The following DAZAP1 variants were observed in gnomAD, a reference collection of about 807,000 sequenced individuals.
The protein encoded by DAZAP1 is DAZ-associated protein 1.
In DAZAP1, 6 loss-of-function variants were observed where a neutral mutation model predicts 60.1. That is an observed-to-expected ratio of 0.10 (90% CI 0.05 to 0.20). The LOEUF (loss-of-function observed/expected upper bound fraction) is 0.20. Ranked by LOEUF, DAZAP1 falls within the 10% of genes least tolerant of loss-of-function variation. The probability of loss-of-function intolerance (pLI) is 1.00; values close to 1 mark genes in which losing one functional copy is unlikely to be tolerated. For missense variants in DAZAP1, 366 were observed against 560.4 expected (o/e 0.65, Z 3.50); for synonymous variants, 235 against 215.9 (o/e 1.09, Z -0.78).
chr19:1,429,877 A>C (rs926908822), intron 8 of DAZAP1, 90 bp from the exon 9 acceptor site: 2 of 1,519,108 alleles, frequency 1.3e-6, no homozygotes, highest in Non-Finnish European at 1.8e-6. Context: ...GGTTGGTCCC[A>C]GCCCTTGACG....
At chr19:1,424,163 A>T (rs1600225066) in intron 6 of DAZAP1, among the ~76,000 whole-genome samples, 1 of 151,562 alleles carries the variant, frequency 6.6e-6, no homozygotes, top group African/African-American at 2.4e-5. Flanking sequence ...TCTCGGGCAC[A>T]CAGTGTCTGT....
At chr19:1,427,616 G>C (rs773705794) in intron 7 of DAZAP1, 1 of 152,236 alleles carries the variant, frequency 6.6e-6, no homozygotes, top group Non-Finnish European at 1.5e-5. Context: ...TACAAGGACC[G>C]CTCTGCTTTG....
chr19:1,428,815 C>A lies in DAZAP1; in HGVS notation c.547-27C>A, dbSNP rs1407113266. 1 of 1,611,680 alleles carries A rather than the reference C, an allele frequency of 6.2e-7. No homozygotes were observed. The highest frequency in any genetic ancestry group is 8.5e-7 in the Non-Finnish European group (1 of 1,179,358). ...GGGGGTGCTGGGACCCGCAGCCTCG[C>A]CCTAAACCAGAGCTCGGTTTGTTTA... On this transcript the variant is annotated intron_variant, in intron 7 of 11. Coordinates refer to ENST00000233078, the MANE Select transcript of DAZAP1 (RefSeq NM_018959.4). The surrounding 1 kb of genome is among the most constrained non-coding windows in gnomAD (Gnocchi z 4.0).
At position 1,432,417 on chromosome 19, in the gene DAZAP1, G is replaced by A. The variant is rs557334667; in HGVS notation, c.872-97G>A. ...TTCTGTGGGTTTGGGTGGCAGTCCC[G>A]TCTGGGCAGCTCCTGCTGGGCTGGG... On this transcript the variant is annotated intron_variant, in intron 10 of 11. Coordinates refer to ENST00000233078, the MANE Select transcript of DAZAP1 (RefSeq NM_018959.4). The surrounding 1 kb of genome is among the most constrained non-coding windows in gnomAD (Gnocchi z 4.9). 60 of 1,348,254 alleles carry A rather than the reference G, an allele frequency of 4.5e-5. No individual in the cohort carries two copies. The highest frequency in any genetic ancestry group is 4.4e-4 in the South Asian group (37 of 84,286). The allele number at this position is 1,348,254 out of a possible 1,614,324, so 83.5% of individuals were successfully genotyped here.
In DAZAP1 at chr19:1,434,532, C is replaced by T; in HGVS notation, c.1049-205C>T. 1.8e-6 allele frequency: 1 copy of T among 556,730 alleles called. No homozygotes were observed. Among genetic ancestry groups the T allele is most frequent in the Non-Finnish European group, 3.2e-6 (1 of 314,050 alleles). 34.5% of individuals were successfully genotyped at this position (556,730 alleles called of 1,614,324 possible). A position where few individuals can be genotyped will look rare whatever the true frequency, so the allele number is the denominator to read the frequency against. The stretch of plus-strand genomic sequence containing the variant: ...TGGAAGCCGCTTTTCTCTGTGTGTG[C>T]CCCTGCTCACATGTTTTTGAGGGAG... On this transcript the variant is annotated intron_variant, in intron 11 of 11. Transcript: ENST00000233078. The surrounding 1 kb of genome is among the most constrained non-coding windows in gnomAD (Gnocchi z 8.0).
At chr19:1,408,921 T>C (rs1200306554) in intron 1 of DAZAP1, among the ~76,000 whole-genome samples, 1 of 152,168 alleles carries the variant, frequency 6.6e-6, no homozygotes, top group Non-Finnish European at 1.5e-5. Flanking sequence ...CTCGGTGCCC[T>C]TAGCTTTGAG....
At chr19:1,421,080 C>T in intron 4 of DAZAP1, 68 bp from the exon 5 acceptor site, 2 of 1,445,916 alleles carry the variant, frequency 1.4e-6, no homozygotes, top group Admixed American at 1.7e-5. Flanking sequence ...GCCTTTATGT[C>T]CTCCGCAGCT....
chr19:1,433,318 C>G lies in DAZAP1; in HGVS notation c.1048+628C>G, dbSNP rs924406557. ...AGCCAGGAGTCACAGCAGCCTTGCT[C>G]AGGACCAACGCGGTGGCCTCAGTGG... On this transcript the variant is annotated intron_variant, in intron 11 of 11. Coordinates refer to ENST00000233078, the MANE Select transcript of DAZAP1 (RefSeq NM_018959.4). The surrounding 1 kb of genome is among the most constrained non-coding windows in gnomAD (Gnocchi z 6.1). The G allele has an allele frequency of 4.2e-6, 1 of 236,306 alleles. No homozygotes were observed. Among genetic ancestry groups the G allele is most frequent in the African/African-American group, 2.3e-5 (1 of 43,438 alleles). The allele number at this position is 236,306 out of a possible 1,614,324, so 14.6% of individuals were successfully genotyped here.
chr19:1,429,894 C>T, intron 8 of DAZAP1, 73 bp from the exon 9 acceptor site: 1 of 1,542,502 alleles, frequency 6.5e-7, no homozygotes. Context: ...GACGTCCATG[C>T]TCTGCGGCTC....
intron 1 of DAZAP1, among the ~76,000 whole-genome samples, chr19:1,409,421 G>A (rs1372535554): frequency 6.6e-6 from 1 of 152,212 alleles, no homozygotes; most frequent in Non-Finnish European, 1.5e-5. Context: ...CTTGGGAAGT[G>A]GGGCAGCTGG....
Position 1,433,430 on chromosome 19 carries a change from G to A in DAZAP1, c.1048+740G>A, listed in dbSNP as rs780708474. On this transcript the variant is annotated intron_variant, in intron 11 of 11. Transcript: ENST00000233078. The surrounding 1 kb of genome is among the most constrained non-coding windows in gnomAD (Gnocchi z 6.1). ...GAACATGGGGCACCTGTCTGCAGGT[G>A]GCCACGGGCTTCCGGGGTGCCTGTG... is the stretch of plus-strand genomic sequence containing the variant. 5 of 400,572 alleles carry A rather than the reference G, an allele frequency of 1.2e-5. No homozygotes were observed. The highest frequency in any genetic ancestry group is 2.1e-5 in the African/African-American group (1 of 48,510). The allele number at this position is 400,572 out of a possible 1,614,324, so 24.8% of individuals were successfully genotyped here.
chr19:1,431,566 A>G (rs2083453716), intron 10 of DAZAP1, among the ~76,000 whole-genome samples: 1 of 152,038 alleles, frequency 6.6e-6, no homozygotes, highest in Admixed American at 6.5e-5. Flanking sequence ...AGTAGCTGGG[A>G]TTACAGGCGT....
intron 1 of DAZAP1, among the ~76,000 whole-genome samples, chr19:1,410,504 G>A (rs1303472980): frequency 1.3e-5 from 2 of 152,216 alleles, no homozygotes; most frequent in Non-Finnish European, 2.9e-5. Context: ...CGATCAGGAA[G>A]GCCCGAGTCT....
chr19:1,434,060 G>A lies in DAZAP1; in HGVS notation c.1049-677G>A. 1.8e-6 allele frequency: 1 copy of A among 567,320 alleles called. No homozygotes were observed. Among genetic ancestry groups the A allele is most frequent in the Non-Finnish European group, 3.2e-6 (1 of 316,740 alleles). 35.1% of individuals were successfully genotyped at this position (567,320 alleles called of 1,614,324 possible). A position where few individuals can be genotyped will look rare whatever the true frequency, so the allele number is the denominator to read the frequency against. On this transcript the variant is annotated intron_variant, in intron 11 of 11. Coordinates refer to ENST00000233078, the MANE Select transcript of DAZAP1 (RefSeq NM_018959.4). The surrounding 1 kb of genome is among the most constrained non-coding windows in gnomAD (Gnocchi z 8.0). ...GAATGGGAACCCAGAGGTCGTGGGA[G>A]GGGCTTCCTGCAAGGTGTGCAGCGG...
In DAZAP1 at chr19:1,433,744, G is replaced by A; in HGVS notation, c.1049-993G>A. The A allele has an allele frequency of 6.2e-7, 1 of 1,613,720 alleles. No homozygotes were observed. Among genetic ancestry groups the A allele is most frequent in the Non-Finnish European group, 8.5e-7 (1 of 1,179,782 alleles). ...CTGGTCTCGTCTCTTGCCAGGCCTG[G>A]GTTCCTATTCTCCAGCCCCGCCGGG... On this transcript the variant is annotated intron_variant, in intron 11 of 11. Coordinates refer to ENST00000233078, the MANE Select transcript of DAZAP1 (RefSeq NM_018959.4). The surrounding 1 kb of genome is among the most constrained non-coding windows in gnomAD (Gnocchi z 6.1).
In DAZAP1 at chr19:1,435,537, G is replaced by GT. The variant is rs2083577003; in HGVS notation, c.*627dup. The GT allele has an allele frequency of 6.6e-6, 1 of 152,268 alleles. No individual in the cohort carries two copies. The highest frequency in any genetic ancestry group is 1.5e-5 in the Non-Finnish European group (1 of 68,050). The allele number at this position is 152,268 out of a possible 1,614,324, so 9.4% of individuals were successfully genotyped here. A position where few individuals can be genotyped will look rare whatever the true frequency, so the allele number is the denominator to read the frequency against. ...GTAGTGTCTGAGGTGAACTGTGGGG[G>GT]TTGCGCACAGCCAGCCGCGTGGATC... On this transcript the variant is annotated 3_prime_UTR_variant, in exon 12 of 12. Transcript: ENST00000233078.
rs2083292419 is a variant in DAZAP1 at position 1,425,753 on chromosome 19, A to G, written c.464-125A>G. 1.4e-6 allele frequency: 1 copy of G among 720,612 alleles called. No homozygotes were observed. Among genetic ancestry groups the G allele is most frequent in the African/African-American group, 1.8e-5 (1 of 57,110 alleles). The allele number at this position is 720,612 out of a possible 1,614,324, so 44.6% of individuals were successfully genotyped here. On this transcript the variant is annotated intron_variant, in intron 6 of 11. Transcript: ENST00000233078. This position sits in a 1 kb window ranked among gnomAD's most constrained non-coding sequence, Gnocchi z 5.4. ...GGAGGCAGCTGCCCCAGGGGCCCGC[A>G]GCGCCCCACACACAGCTTAGCTGAA...
At chr19:1,429,112 C>A in intron 8 of DAZAP1, 117 bp downstream of exon 8, 1 of 1,289,898 alleles carries the variant, frequency 7.8e-7, no homozygotes, top group Non-Finnish European at 1.0e-6. Flanking sequence ...CACAGAGCCG[C>A]GGTTCACAGT....
chr19:1,420,484 G>C (rs1326139315), intron 4 of DAZAP1, among the ~76,000 whole-genome samples: 1 of 140,966 alleles, frequency 7.1e-6, no homozygotes, highest in East Asian at 2.0e-4. Context: ...CTTGGATAGG[G>C]AAAAAAAAAA....
Sources: allele counts gnomAD v4.1 joint callset (sites outside exome capture counted in the v4.1 genomes callset), GRCh38; gene constraint gnomAD v4.1.1; non-coding constraint Gnocchi (gnomAD v3.1); transcripts MANE v1.5; gene names NCBI Gene and HGNC (gene_info 2026-07-23, HGNC 2026-07-21).